NUP98: variants seen among roughly 807,000 people sequenced by gnomAD.
The protein encoded by NUP98 is nucleoporin 98 and 96 precursor.
A neutral mutation model predicts 191.9 loss-of-function variants in NUP98; 26 were observed. The observed-to-expected ratio is 0.14, with a 90% CI of 0.10 to 0.19. The LOEUF is 0.19. Among genes scored for constraint, NUP98 ranks in the 10% least tolerant of loss-of-function variants. The pLI is 1.00. For missense variants in NUP98, 1,941 were observed against 2,178.8 expected, an observed-to-expected ratio of 0.89 and a Z score of 2.17; for synonymous variants, 808 against 778.4, an observed-to-expected ratio of 1.04 and a Z score of -0.63.
At position 3,784,956 on chromosome 11, in the gene NUP98, G is replaced by A. The variant is rs1222127420; in HGVS notation, c.-28-2811C>T. ...GTTCGAGACCAGCCTGGCCAACATGGTGAAACCCCCGTCTCTACTAAAAAT... is the reference window on the plus strand; with the variant it reads ...GTTCGAGACCAGCCTGGCCAACATGATGAAACCCCCGTCTCTACTAAAAAT... On this transcript the variant is annotated intron_variant, in intron 1 of 32. Transcript: ENST00000324932. Among the ~76,000 whole-genome samples the A allele has an allele frequency of 2.6e-5, 4 of 152,022 alleles. No homozygotes were observed. In the East Asian group the frequency reaches 7.7e-4, roughly 29 times the overall value.
intron 30 of NUP98, 171 bp from the exon 31 acceptor site, chr11:3,679,879 C>T: frequency 1.5e-6 from 1 of 654,426 alleles, no homozygotes; most frequent in Non-Finnish European, 2.5e-6. Context: ...TTTCAGACCA[C>T]CACAATAAAG....
chr11:3,753,648 C>G (rs930488504), intron 10 of NUP98, among the ~76,000 whole-genome samples: 1 of 150,706 alleles, frequency 6.6e-6, no homozygotes, highest in African/African-American at 2.4e-5. Context: ...CGGTGGCTCA[C>G]GCCTGTAATC....
chr11:3,791,528 C>T (rs1483995338), intron 1 of NUP98, among the ~76,000 whole-genome samples: 7 of 90,488 alleles, frequency 7.7e-5, no homozygotes, highest in South Asian at 3.9e-4. Context: ...ACCGAGACCT[C>T]GTCTCAAAAA....
chr11:3,774,250 T>C (rs1419500317), intron 5 of NUP98, among the ~76,000 whole-genome samples: 1 of 145,596 alleles, frequency 6.9e-6, no homozygotes, highest in South Asian at 2.2e-4. Context: ...AATAAAAAAA[T>C]AAAAAATAAA....
chr11:3,771,159 G>T (rs1307325012), intron 7 of NUP98, among the ~76,000 whole-genome samples: 1 of 152,114 alleles, frequency 6.6e-6, no homozygotes, highest in Non-Finnish European at 1.5e-5. Flanking sequence ...CACCACACTT[G>T]GCCTCTTTTC....
At chr11:3,714,856 T>G (rs758486550) in intron 18 of NUP98, 1 of 152,320 alleles carries the variant, frequency 6.6e-6, no homozygotes, top group African/African-American at 2.4e-5. Context: ...TAGTGTTTTA[T>G]TGCATGTATA....
chr11:3,705,324 T>A lies in NUP98; in HGVS notation c.2958A>T (p.Glu986Asp), dbSNP rs1283982228. The A allele has an allele frequency of 1.2e-6, 2 of 1,613,694 alleles. No individual in the cohort carries two copies. The highest frequency in any genetic ancestry group is 2.7e-5 in the African/African-American group (2 of 74,568). The change falls in exon 22 of 33, where the codon GAA (glutamate) becomes GAT (aspartate). Residue 986 changes from glutamate (E) to aspartate (D), a missense_variant. Around this residue, in one of 6 missense-constraint regions of NUP98, gnomAD observed 1,030 missense variants for 1,115.8 expected, o/e 0.92. Coordinates refer to ENST00000324932, the MANE Select transcript of NUP98 (RefSeq NM_016320.5). ...IMKASLLTDEEDVDMALDQRF... is the reference protein window; with the variant it reads ...IMKASLLTDEDDVDMALDQRF... ...GTTGATCCAGTGCCATATCTACATC[T>A]TCTTCATCAGTAAGCAATGATGCTT...
intron 18 of NUP98, among the ~76,000 whole-genome samples, chr11:3,715,291 T>C (rs605177): frequency 0.55 from 84,268 of 151,904 alleles, 23,898 homozygotes; most frequent in African/African-American, 0.65. Context: ...AGAGTACAGG[T>C]GCCCGCCACA....
intron 26 of NUP98, among the ~76,000 whole-genome samples, chr11:3,693,896 TAA>T (rs547069227): frequency 2.6e-5 from 4 of 152,250 alleles, no homozygotes; most frequent in African/African-American, 7.2e-5. Context: ...AAAATAATTA[TAA>T]CCCAACAGCC....
In NUP98 at chr11:3,770,217, G is replaced by A. The variant is rs147411683; in HGVS notation, c.785-1473C>T. Among the ~76,000 whole-genome samples the A allele has an allele frequency of 1.7e-3, 264 of 152,254 alleles. 1 individual carries two copies. Among genetic ancestry groups the A allele is most frequent in the African/African-American group, 6.1e-3 (253 of 41,554 alleles). Reference sequence around the variant, plus strand: ...AAAAATTGGCCAGGCATGGTGGCGGGTGCCTGTAATCCCAACTCCTTGGGA... The same window carrying A: ...AAAAATTGGCCAGGCATGGTGGCGGATGCCTGTAATCCCAACTCCTTGGGA... On this transcript the variant is annotated intron_variant, in intron 7 of 32. Transcript: ENST00000324932.
intron 4 of NUP98, 127 bp from the exon 5 acceptor site, chr11:3,776,148 G>T (rs1408170939): frequency 9.3e-6 from 6 of 642,076 alleles, no homozygotes; most frequent in South Asian, 2.0e-5. Flanking sequence ...TTGAGACAGG[G>T]TCTTGCTCTG....
intron 23 of NUP98, 66 bp downstream of exon 23, chr11:3,702,397 C>A: frequency 8.4e-7 from 1 of 1,195,834 alleles, no homozygotes; most frequent in Non-Finnish European, 1.2e-6. Context: ...GGGCCCTATC[C>A]TCCTGATTAG....
chr11:3,676,777 G>A lies in NUP98; in HGVS notation c.5074-157C>T, dbSNP rs551066029. 7.9e-6 allele frequency: 6 copies of A among 757,754 alleles called. No homozygotes were observed. In the African/African-American group the frequency reaches 1.0e-4, roughly 13 times the overall value. The allele number at this position is 757,754 out of a possible 1,614,324, so 46.9% of individuals were successfully genotyped here. A position where few individuals can be genotyped will look rare whatever the true frequency, so the allele number is the denominator to read the frequency against. On this transcript the variant is annotated intron_variant, in intron 31 of 32. Coordinates refer to ENST00000324932, the MANE Select transcript of NUP98 (RefSeq NM_016320.5). ...GCCAAGCCACCACCATCTAGTGGAG[G>A]ACAAGGCACTAATTATGCAGTAATA...
chr11:3,698,467 C>T (rs1367013259), intron 25 of NUP98, among the ~76,000 whole-genome samples: 1 of 151,894 alleles, frequency 6.6e-6, no homozygotes, highest in Non-Finnish European at 1.5e-5. Flanking sequence ...GTGGCTCACA[C>T]CTGTAATTCC....
intron 1 of NUP98, among the ~76,000 whole-genome samples, chr11:3,782,716 G>A (rs1010965185): frequency 6.7e-6 from 1 of 150,318 alleles, no homozygotes. Context: ...CTAATTATTT[G>A]TATTTTTAGG....
intron 1 of NUP98, among the ~76,000 whole-genome samples, chr11:3,793,784 A>G (rs2082434903): frequency 6.6e-6 from 1 of 151,926 alleles, no homozygotes; most frequent in South Asian, 2.1e-4. Flanking sequence ...CAGCCTGGCC[A>G]ACATGGTGAA....
intron 29 of NUP98, 44 bp downstream of exon 29, chr11:3,685,929 G>A (rs759717600): frequency 1.4e-6 from 2 of 1,468,526 alleles, no homozygotes; most frequent in South Asian, 1.1e-5. Context: ...GAATTGCCCT[G>A]TAGTGCTAGA....
At chr11:3,757,788 A>G (rs2081025795) in intron 10 of NUP98, among the ~76,000 whole-genome samples, 1 of 152,142 alleles carries the variant, frequency 6.6e-6, no homozygotes, top group South Asian at 2.1e-4. Flanking sequence ...GACAAGAGCG[A>G]AACTCCGTCT....
rs183347645 is a variant in NUP98 at position 3,677,325 on chromosome 11, A to T, written c.5074-705T>A. On this transcript the variant is annotated intron_variant, in intron 31 of 32. Coordinates refer to ENST00000324932, the MANE Select transcript of NUP98 (RefSeq NM_016320.5). ...ACAGCTAAAACCCCCAAAGGTGGGA[A>T]TTCAAAGGAGATTTACATGGTGACA... Among the ~76,000 whole-genome samples, 256 of 152,168 alleles carry T rather than the reference A, an allele frequency of 1.7e-3. 2 individuals are homozygous for T. The highest frequency in any genetic ancestry group is 5.8e-3 in the African/African-American group (241 of 41,552).
Sources: gnomAD v4.1 joint callset for allele counts (sites outside exome capture counted in the v4.1 genomes callset) on GRCh38, gnomAD v4.1.1 for gene constraint, gnomAD v4.1.1 regional missense constraint, MANE v1.5 for transcripts, NCBI Gene and HGNC (gene_info 2026-07-23, HGNC 2026-07-21) for gene names.